SHOC2: variants seen among roughly 807,000 people sequenced by gnomAD.
SHOC2 encodes the protein SHOC2 leucine rich repeat scaffold protein.
Under a neutral mutation model 50.2 loss-of-function variants are expected in SHOC2, and 4 were observed. That is an observed-to-expected ratio of 0.08 (90% CI 0.04 to 0.18). The LOEUF is 0.18. SHOC2 is among the 10% of genes least tolerant of loss of function. The pLI, the probability that SHOC2 is intolerant of heterozygous loss-of-function variation, is 1.00. For missense variants in SHOC2, 388 were observed against 669.6 expected (o/e 0.58, Z 4.64); for synonymous variants, 218 against 244.5 (o/e 0.89, Z 1.01).
At chr10:110,976,762 A>G (rs923090458) in intron 2 of SHOC2, among the ~76,000 whole-genome samples, 1 of 151,974 alleles carries the variant, frequency 6.6e-6, no homozygotes, top group African/African-American at 2.4e-5. Flanking sequence ...CTGATCTTGG[A>G]GTTTATAAGC....
intron 2 of SHOC2, among the ~76,000 whole-genome samples, chr10:110,967,425 C>T (rs1215442450): frequency 2.0e-5 from 3 of 152,068 alleles, no homozygotes; most frequent in South Asian, 4.2e-4. Flanking sequence ...CAGTTGAAAG[C>T]CATTGCACAA....
At chr10:110,992,919 T>C (rs1405554983) in intron 3 of SHOC2, among the ~76,000 whole-genome samples, 1 of 152,194 alleles carries the variant, frequency 6.6e-6, no homozygotes, top group Non-Finnish European at 1.5e-5. Flanking sequence ...GCTACTTTGT[T>C]AAAATAAGAT....
At chr10:110,984,268 A>G (rs529140963) in intron 2 of SHOC2, among the ~76,000 whole-genome samples, 13 of 152,238 alleles carry the variant, frequency 8.5e-5, no homozygotes, top group Admixed American at 7.2e-4. Flanking sequence ...GCGTCTTTTC[A>G]TGTGTTTATT....
In SHOC2 at chr10:111,007,790, C is replaced by A. The variant is rs950119892; in HGVS notation, c.1284+137C>A. The stretch of plus-strand genomic sequence containing the variant: ...TGTTAGAACTCACTTAAACATACAA[C>A]CCTAATAGGATAATGAAGTGTTGAC... On this transcript the variant is annotated intron_variant, in intron 6 of 8. Transcript: ENST00000369452. 23 of 845,554 alleles carry A rather than the reference C, an allele frequency of 2.7e-5. No individual in the cohort carries two copies. The African/African-American group carries it at 3.4e-4, about 12-fold the overall frequency. 52.4% of individuals were successfully genotyped at this position (845,554 alleles called of 1,614,324 possible).
At chr10:110,982,101 C>T (rs1467616347) in intron 2 of SHOC2, among the ~76,000 whole-genome samples, 69 of 145,588 alleles carry the variant, frequency 4.7e-4, no homozygotes, top group African/African-American at 1.0e-3. Flanking sequence ...TGAGAATATG[C>T]GGTGTTTGGT....
intron 3 of SHOC2, among the ~76,000 whole-genome samples, chr10:110,988,592 T>A (rs1848124756): frequency 6.6e-6 from 1 of 152,174 alleles, no homozygotes; most frequent in African/African-American, 2.4e-5. Context: ...TTTTTCTTAA[T>A]CATTCTGGTT....
At chr10:110,927,930 T>C (rs940855484) in intron 1 of SHOC2, among the ~76,000 whole-genome samples, 1 of 152,202 alleles carries the variant, frequency 6.6e-6, no homozygotes, top group African/African-American at 2.4e-5. Context: ...ACAATACTCT[T>C]TTATTAGAAA....
chr10:110,937,294 T>G (rs1333877117), intron 1 of SHOC2: 14 of 726,838 alleles, frequency 1.9e-5, no homozygotes, highest in Non-Finnish European at 3.0e-5. Flanking sequence ...GACTCTGTGT[T>G]TCAGTGATGC....
chr10:110,993,912 A>C (rs930674689), intron 3 of SHOC2, among the ~76,000 whole-genome samples: 2 of 152,148 alleles, frequency 1.3e-5, no homozygotes, highest in East Asian at 3.8e-4. Flanking sequence ...GATACTGTAA[A>C]GGGTTATTGA....
intron 2 of SHOC2, among the ~76,000 whole-genome samples, chr10:110,973,397 A>T (rs917598271): frequency 6.6e-6 from 1 of 152,154 alleles, no homozygotes; most frequent in Admixed American, 6.5e-5. Context: ...TACATTTTCA[A>T]AGGGCCTTTT....
At chr10:110,953,065 C>A (rs190951628) in intron 1 of SHOC2, among the ~76,000 whole-genome samples, 49 of 152,292 alleles carry the variant, frequency 3.2e-4, no homozygotes, top group Non-Finnish European at 5.6e-4. Flanking sequence ...GATTTATACT[C>A]CTTTGGCTAT....
intron 1 of SHOC2, among the ~76,000 whole-genome samples, chr10:110,958,850 T>C (rs1480680510): frequency 6.6e-6 from 1 of 152,162 alleles, no homozygotes; most frequent in Non-Finnish European, 1.5e-5. Flanking sequence ...AACTGCTTTC[T>C]GTTTCTAGAA....
intron 1 of SHOC2, among the ~76,000 whole-genome samples, chr10:110,956,209 G>A (rs549657288): frequency 1.4e-4 from 21 of 151,290 alleles, no homozygotes; most frequent in African/African-American, 4.9e-4. Context: ...TTTTTGAGAC[G>A]GAGTTTCGCT....
chr10:111,004,366 TTC>T (rs1848431922), intron 4 of SHOC2, among the ~76,000 whole-genome samples: 1 of 152,218 alleles, frequency 6.6e-6, no homozygotes, highest in African/African-American at 2.4e-5. Flanking sequence ...TGGGAAAATT[TTC>T]TGTTTCCTCC....
At chr10:110,996,028 A>G (rs189206054) in intron 3 of SHOC2, among the ~76,000 whole-genome samples, 63 of 152,340 alleles carry the variant, frequency 4.1e-4, no homozygotes, top group African/African-American at 1.3e-3. Flanking sequence ...ATCATAGTCA[A>G]CTAAGTATTA....
At chr10:110,920,191 C>T (rs1044667461) in intron 1 of SHOC2, 3 of 152,510 alleles carry the variant, frequency 2.0e-5, no homozygotes, top group Non-Finnish European at 2.9e-5. Context: ...CCTTGCTCTC[C>T]CGTTCTCCTC....
chr10:110,970,977 T>G (rs929772740), intron 2 of SHOC2, among the ~76,000 whole-genome samples: 2 of 152,150 alleles, frequency 1.3e-5, no homozygotes, highest in Admixed American at 6.5e-5. Flanking sequence ...ATGAGTAGTT[T>G]GCATATATTT....
intron 1 of SHOC2, among the ~76,000 whole-genome samples, chr10:110,937,521 TGAA>T (rs1847051014): frequency 6.6e-6 from 1 of 152,218 alleles, no homozygotes; most frequent in Non-Finnish European, 1.5e-5. Flanking sequence ...CTTAGTTTGT[TGAA>T]GAAGTAGTTT....
chr10:110,954,786 T>A (rs1418180898), intron 1 of SHOC2, among the ~76,000 whole-genome samples: 1 of 152,124 alleles, frequency 6.6e-6, no homozygotes, highest in Admixed American at 6.5e-5. Context: ...TCCTAAATAT[T>A]ATAAAGAGTC....
Sources: allele counts gnomAD v4.1 joint callset (sites outside exome capture counted in the v4.1 genomes callset), GRCh38; gene constraint gnomAD v4.1.1; transcripts MANE v1.5; gene names NCBI Gene and HGNC (gene_info 2026-07-23, HGNC 2026-07-21).